Variants in SKIL observed in about 807,000 individuals in gnomAD.
The protein encoded by SKIL is ski-like protein.
A neutral mutation model predicts 69.6 loss-of-function variants in SKIL; 20 were observed. The ratio of observed to expected loss-of-function variants is 0.29; its 90% confidence interval spans 0.20 to 0.42. The LOEUF (loss-of-function observed/expected upper bound fraction) is 0.42. SKIL is among the 10% of genes least tolerant of loss of function. SKIL has a pLI of 1.00. For missense variants in SKIL, 745 were observed against 783.1 expected (o/e 0.95, Z 0.58); for synonymous variants, 310 against 279.9 (o/e 1.11, Z -1.08).
At chr3:170,391,416 C>T (rs1340082583) in intron 6 of SKIL, among the ~76,000 whole-genome samples, 156 bp downstream of exon 6, 1 of 151,776 alleles carries the variant, frequency 6.6e-6, no homozygotes, top group Non-Finnish European at 1.5e-5. Context: ...CTCCCGGGTT[C>T]AAGCAATTTT....
At position 170,361,036 on chromosome 3, in the gene SKIL, G is replaced by A. The variant is rs1560204849; in HGVS notation, c.705G>A (p.Arg235=). ...AAAGATTATGTAATGCTTTATTGCG[G>A]CCACGAACTTTTCCTCAAAATGGTA... ...DAQRLCNALL[R]PRTFPQNGSV... Residue 235 remains arginine, a synonymous_variant, in exon 2 of 7, where the codon CGG becomes CGA. Coordinates refer to ENST00000259119, the MANE Select transcript of SKIL (RefSeq NM_005414.5). The A allele has an allele frequency of 6.2e-7, 1 of 1,614,184 alleles. No homozygotes were observed. The highest frequency in any genetic ancestry group is 8.5e-7 in the Non-Finnish European group (1 of 1,180,034).
At chr3:170,370,811 G>A (rs1401762966) in intron 2 of SKIL, among the ~76,000 whole-genome samples, 3 of 152,082 alleles carry the variant, frequency 2.0e-5, no homozygotes, top group Admixed American at 6.6e-5. Context: ...TGGGCTTGGT[G>A]GGGCATGCCT....
intron 4 of SKIL, 178 bp downstream of exon 4, chr3:170,384,943 C>T: frequency 2.0e-6 from 1 of 493,496 alleles, no homozygotes; most frequent in Non-Finnish European, 3.6e-6. Flanking sequence ...CTATACTTTT[C>T]TAGCGTGGTG....
At chr3:170,388,628 T>C (rs1737763534) in intron 4 of SKIL, among the ~76,000 whole-genome samples, 1 of 152,002 alleles carries the variant, frequency 6.6e-6, no homozygotes, top group Admixed American at 6.6e-5. Flanking sequence ...AGTTGGGGTT[T>C]TGCCATGTTG....
At chr3:170,358,420 A>T (rs1431590504) in intron 1 of SKIL, 1 of 151,540 alleles carries the variant, frequency 6.6e-6, no homozygotes, top group Non-Finnish European at 1.5e-5. Flanking sequence ...TTGCACACCC[A>T]CCCCCAGGCT....
intron 2 of SKIL, among the ~76,000 whole-genome samples, chr3:170,364,675 C>T (rs1736417118): frequency 6.6e-6 from 1 of 151,882 alleles, no homozygotes; most frequent in African/African-American, 2.4e-5. Context: ...AACTACTTTT[C>T]CTAATATTCT....
chr3:170,364,876 G>C (rs1349561057), intron 2 of SKIL, among the ~76,000 whole-genome samples: 2 of 152,126 alleles, frequency 1.3e-5, no homozygotes, highest in African/African-American at 4.8e-5. Context: ...ATTTTAGGAA[G>C]GTGTGAGTTT....
At chr3:170,374,333 A>C (rs1051564740) in intron 2 of SKIL, among the ~76,000 whole-genome samples, 1 of 152,148 alleles carries the variant, frequency 6.6e-6, no homozygotes. Context: ...TGAGGATGCT[A>C]TCTGTTCATT....
rs201881800 is a variant in SKIL, at chr3:170,361,104, C to T, written c.773C>T (p.Thr258Ile). ...AGCTCATTGGCCCAGTTAAAGGAAACTGGCAGTGCCTTTGAAGTGGAGCAT... is the reference window on the plus strand; with the variant it reads ...AGCTCATTGGCCCAGTTAAAGGAAATTGGCAGTGCCTTTGAAGTGGAGCAT... ...AKSSLAQLKE[T>I]GSAFEVEHEC... The change falls in exon 2 of 7, where the codon ACT becomes ATT. Residue 258 changes from threonine to isoleucine, a missense_variant. Thr to Ile is a moderately conservative substitution (Grantham distance 89). Transcript: ENST00000259119. 5.0e-6 allele frequency: 8 copies of T among 1,614,110 alleles called. No homozygotes were observed. The Admixed American group carries it at 1.3e-4, about 27-fold the overall frequency.
At chr3:170,359,288 C>G (rs935741472) in intron 1 of SKIL, among the ~76,000 whole-genome samples, 5 of 152,222 alleles carry the variant, frequency 3.3e-5, no homozygotes, top group African/African-American at 1.2e-4. Flanking sequence ...AAACTGAACT[C>G]AGTTTAAGAT....
intron 2 of SKIL, among the ~76,000 whole-genome samples, chr3:170,376,418 T>A (rs551765619): frequency 1.3e-5 from 2 of 152,304 alleles, no homozygotes; most frequent in African/African-American, 4.8e-5. Flanking sequence ...TCTTTGGTCA[T>A]GTAGAGCTGG....
chr3:170,370,321 T>G (rs1430834920), intron 2 of SKIL, among the ~76,000 whole-genome samples: 1 of 151,370 alleles, frequency 6.6e-6, no homozygotes, highest in Non-Finnish European at 1.5e-5. Flanking sequence ...AGGAAAGATA[T>G]AAAATTAGTT....
chr3:170,386,585 A>C (rs1737645180), intron 4 of SKIL, among the ~76,000 whole-genome samples: 1 of 151,976 alleles, frequency 6.6e-6, no homozygotes, highest in African/African-American at 2.4e-5. Flanking sequence ...CTTGCACCTC[A>C]GCCTCCCTAG....
intron 2 of SKIL, among the ~76,000 whole-genome samples, chr3:170,370,647 T>A (rs1044794930): frequency 3.3e-5 from 5 of 152,118 alleles, no homozygotes; most frequent in Non-Finnish European, 7.4e-5. Context: ...TTATTTGTGA[T>A]GTTGAATTTA....
intron 4 of SKIL, among the ~76,000 whole-genome samples, chr3:170,388,317 C>T (rs1266224298): frequency 1.3e-5 from 2 of 148,384 alleles, no homozygotes; most frequent in African/African-American, 2.5e-5. Context: ...GGAGAAATGT[C>T]TATTCAGGTC....
At chr3:170,385,536 A>G (rs77067565) in intron 4 of SKIL, among the ~76,000 whole-genome samples, 2,609 of 152,314 alleles carry the variant, frequency 0.017, 50 homozygotes, top group East Asian at 0.092. Flanking sequence ...GGCCAGGCAT[A>G]TAGCATAAAT....
In SKIL at chr3:170,381,265, G is replaced by C; in HGVS notation, c.1120G>C (p.Glu374Gln). 1 of 1,587,886 alleles carries C rather than the reference G, an allele frequency of 6.3e-7. No homozygotes were observed. Among genetic ancestry groups the C allele is most frequent in the Non-Finnish European group, 8.6e-7 (1 of 1,156,280 alleles). ...GCAGACAGATGCACCATCAGGAATGGAATTACAGTCATGGTATCCTGTTAT... is the reference window on the plus strand; with the variant it reads ...GCAGACAGATGCACCATCAGGAATGCAATTACAGTCATGGTATCCTGTTAT... ...QSKTDAPSGM[E>Q]LQSWYPVIKQ... Residue 374 changes from glutamate (E) to glutamine (Q), a missense_variant, in exon 3 of 7, where the codon GAA becomes CAA. Coordinates refer to ENST00000259119, the MANE Select transcript of SKIL (RefSeq NM_005414.5).
chr3:170,386,648 T>C lies in SKIL; in HGVS notation c.1429+1883T>C, dbSNP rs141449829. Among the ~76,000 whole-genome samples the C allele has an allele frequency of 7.2e-3, 1,089 of 151,328 alleles. 13 individuals are homozygous for C. The highest frequency in any genetic ancestry group is 0.024 in the African/African-American group (995 of 40,704). On this transcript the variant is annotated intron_variant, in intron 4 of 6. Transcript: ENST00000259119. The stretch of plus-strand genomic sequence containing the variant: ...GCGCCTGCCTCATTTTTTCATTTTT[T>C]TTGTAGAGACAGGGTCTCACTGTAT...
At position 170,360,825 on chromosome 3, in the gene SKIL, T is replaced by A. The variant is rs760068200; in HGVS notation, c.494T>A (p.Leu165His). 1 of 1,614,198 alleles carries A rather than the reference T, an allele frequency of 6.2e-7. No individual in the cohort carries two copies. The highest frequency in any genetic ancestry group is 1.3e-5 in the African/African-American group (1 of 75,054). ...SCFQVGGEKR[L>H]CLPQVLNSVL... is the part of the protein sequence containing the mutation. ...TTTCAAGTTGGAGGAGAAAAGAGAC[T>A]CTGTTTGCCCCAAGTCTTAAATTCT... Residue 165 changes from leucine to histidine, a missense_variant, in exon 2 of 7, where the codon CTC becomes CAC. Physicochemically the swap from Leu to His is moderately conservative, Grantham distance 99 (BLOSUM62 -3). Transcript: ENST00000259119.
Sources: gnomAD v4.1 joint callset for allele counts (sites outside exome capture counted in the v4.1 genomes callset) on GRCh38, gnomAD v4.1.1 for gene constraint, MANE v1.5 for transcripts, NCBI Gene and HGNC (gene_info 2026-07-23, HGNC 2026-07-21) for gene names.